The following SRGAP2 variants were observed in gnomAD, a reference collection of about 807,000 sequenced individuals.
The protein encoded by SRGAP2 is SLIT-ROBO Rho GTPase-activating protein 2.
A neutral mutation model predicts 57.2 loss-of-function variants in SRGAP2; 15 were observed. The ratio of observed to expected loss-of-function variants is 0.26; its 90% CI spans 0.18 to 0.40. The LOEUF (loss-of-function observed/expected upper bound fraction) is 0.40, where lower values mean the gene tolerates loss of function less well. Ranked by LOEUF, SRGAP2 falls within the 10% of genes least tolerant of loss-of-function variation. The pLI, the probability that SRGAP2 is intolerant of heterozygous loss-of-function variation, is 1.00. For synonymous variants in SRGAP2, 249 were observed against 248.0 expected, an observed-to-expected ratio of 1.00 and a Z score of -0.04; for missense variants, 520 against 669.6, an observed-to-expected ratio of 0.78 and a Z score of 2.47.
chr1:206,285,854 T>C (rs1404975251), intron 2 of SRGAP2, among the ~76,000 whole-genome samples: 1 of 134,408 alleles, frequency 7.4e-6, no homozygotes. Flanking sequence ...TTAGTAGAGA[T>C]GGGGTTCTGC....
At chr1:206,426,003 T>C (rs1235154436) in intron 13 of SRGAP2, among the ~76,000 whole-genome samples, 1 of 151,966 alleles carries the variant, frequency 6.6e-6, no homozygotes, top group Non-Finnish European at 1.5e-5. Context: ...TCTGCTGCCA[T>C]GCCCAGCTAA....
At chr1:206,321,508 A>T (rs1270925205) in intron 3 of SRGAP2, among the ~76,000 whole-genome samples, 2 of 83,960 alleles carry the variant, frequency 2.4e-5, no homozygotes, top group Non-Finnish European at 4.6e-5. Flanking sequence ...AGCATCCATT[A>T]TAATTTCTTG....
chr1:206,340,065 C>T (rs1350555088), intron 3 of SRGAP2, among the ~76,000 whole-genome samples: 2 of 151,612 alleles, frequency 1.3e-5, no homozygotes, highest in East Asian at 3.9e-4. Context: ...GCTGGGATTG[C>T]AGGTGTGAGC....
At chr1:206,397,431 A>T (rs537509297) in intron 7 of SRGAP2, among the ~76,000 whole-genome samples, 2 of 152,300 alleles carry the variant, frequency 1.3e-5, no homozygotes, top group Non-Finnish European at 1.5e-5. Flanking sequence ...CATCTGTGTC[A>T]TGTACAGCCT....
At chr1:206,253,574 T>TC (rs1668979033) in intron 2 of SRGAP2, among the ~76,000 whole-genome samples, 2 of 39,964 alleles carry the variant, frequency 5.0e-5, no homozygotes, top group Non-Finnish European at 9.6e-5. Context: ...TCTTTCTTTC[T>TC]TTTTTTTTTT....
chr1:206,421,292 G>A lies in SRGAP2; in HGVS notation c.1494+18G>A. On this transcript the variant is annotated intron_variant, in intron 13 of 22. Coordinates refer to ENST00000573034, the MANE Select transcript of SRGAP2 (RefSeq NM_015326.5). ...GGAAACAGGTAAGGGCCCAAGCGGGGCCAGGCTGGTCTGGCCTGAAAATAT... is the reference window on the plus strand; with the variant it reads ...GGAAACAGGTAAGGGCCCAAGCGGGACCAGGCTGGTCTGGCCTGAAAATAT... The A allele has an allele frequency of 1.3e-6, 1 of 777,194 alleles. No homozygotes were observed. The highest frequency in any genetic ancestry group is 2.4e-5 in the East Asian group (1 of 41,130). 48.1% of individuals were successfully genotyped at this position (777,194 alleles called of 1,614,324 possible).
intron 17 of SRGAP2, among the ~76,000 whole-genome samples, chr1:206,440,686 C>CA (rs200699652): frequency 0.012 from 1,879 of 151,968 alleles, 22 homozygotes; most frequent in South Asian, 0.026. Context: ...TAGCTGGGAC[C>CA]CAGGCGCATG....
At chr1:206,381,253 C>G (rs1440328913) in intron 4 of SRGAP2, among the ~76,000 whole-genome samples, 1 of 151,868 alleles carries the variant, frequency 6.6e-6, no homozygotes, top group African/African-American at 2.4e-5. Context: ...TTATTTAAGT[C>G]ATGGGTAAGC....
intron 2 of SRGAP2, among the ~76,000 whole-genome samples, chr1:206,225,375 G>A (rs1279356356): frequency 1.3e-5 from 2 of 150,844 alleles, no homozygotes; most frequent in African/African-American, 2.5e-5. Flanking sequence ...GATGGGTGTG[G>A]GGCCTAGGGG....
chr1:206,333,240 G>C (rs565474764), intron 3 of SRGAP2: 4 of 800,952 alleles, frequency 5.0e-6, no homozygotes, highest in South Asian at 1.4e-5. Context: ...GAAATCACCC[G>C]TCTTCTGCGT....
At chr1:206,266,535 G>T (rs1553314559) in intron 2 of SRGAP2, among the ~76,000 whole-genome samples, 1 of 152,084 alleles carries the variant, frequency 6.6e-6, no homozygotes, top group Admixed American at 6.5e-5. Flanking sequence ...GAGCCACCAC[G>T]CCCGACCTTC....
chr1:206,356,885 T>C (rs1676479486), intron 4 of SRGAP2, among the ~76,000 whole-genome samples: 2 of 148,964 alleles, frequency 1.3e-5, no homozygotes, highest in Non-Finnish European at 2.9e-5. Context: ...TTTTTTGTTT[T>C]GTTTTCTTTT....
At chr1:206,334,010 A>G (rs1222309496) in intron 3 of SRGAP2, among the ~76,000 whole-genome samples, 3 of 152,292 alleles carry the variant, frequency 2.0e-5, no homozygotes, top group South Asian at 2.1e-4. Flanking sequence ...ACACAAGCCA[A>G]TGGACATACA....
intron 17 of SRGAP2, among the ~76,000 whole-genome samples, chr1:206,445,844 A>G (rs1553373538): frequency 1.3e-5 from 2 of 152,068 alleles, no homozygotes; most frequent in African/African-American, 2.4e-5. Flanking sequence ...GAGAGAAGGG[A>G]TCAGAGCTGC....
chr1:206,389,334 C>A (rs1656676611), intron 5 of SRGAP2, among the ~76,000 whole-genome samples: 1 of 151,522 alleles, frequency 6.6e-6, no homozygotes, highest in Non-Finnish European at 1.5e-5. Context: ...GCCACCACGC[C>A]CAGTTAATTT....
chr1:206,461,229 C>T lies in SRGAP2; in HGVS notation c.3025C>T (p.Gln1009Ter). 1.3e-6 allele frequency: 1 copy of T among 780,786 alleles called. No individual in the cohort carries two copies. Among genetic ancestry groups the T allele is most frequent in the Non-Finnish European group, 2.4e-6 (1 of 417,928 alleles). The allele number at this position is 780,786 out of a possible 1,614,324, so 48.4% of individuals were successfully genotyped here. The change falls in exon 23 of 23, where the codon CAG (glutamine) becomes TAG (stop). Residue 1009 changes from glutamine (Q) to a stop codon, truncating the protein, a stop_gained. Transcript: ENST00000573034. LOFTEE classifies it high-confidence loss of function. Reference protein sequence around the residue: ...QLLKDPEPAFQRSASTAGDIA... With the variant: ...QLLKDPEPAF The stretch of plus-strand genomic sequence containing the variant: ...CCTCAAGGACCCCGAGCCCGCCTTC[C>T]AGCGCAGCGCCAGTACTGCTGGGGA...
chr1:206,367,820 T>C (rs1553341938), intron 4 of SRGAP2, among the ~76,000 whole-genome samples: 1 of 151,646 alleles, frequency 6.6e-6, no homozygotes, highest in Non-Finnish European at 1.5e-5. Flanking sequence ...GACCTACTCA[T>C]AGGGAAATGA....
intron 10 of SRGAP2, among the ~76,000 whole-genome samples, chr1:206,411,237 T>C (rs557586408): frequency 5.1e-4 from 77 of 152,336 alleles, no homozygotes; most frequent in African/African-American, 1.8e-3. Context: ...TTAAGGATCA[T>C]GGCCGATAAA....
At chr1:206,305,754 C>T (rs1672153493) in intron 3 of SRGAP2, among the ~76,000 whole-genome samples, 2 of 149,786 alleles carry the variant, frequency 1.3e-5, no homozygotes, top group South Asian at 2.1e-4. Flanking sequence ...TGTTTATTGC[C>T]TTAATAATAC....
Sources: allele counts gnomAD v4.1 joint callset (sites outside exome capture counted in the v4.1 genomes callset), GRCh38; gene constraint gnomAD v4.1.1; transcripts MANE v1.5; gene names NCBI Gene and HGNC (gene_info 2026-07-23, HGNC 2026-07-21).